MYO3B: variants seen among roughly 807,000 people sequenced by gnomAD.
MYO3B encodes the protein myosin IIIB.
In MYO3B, 156 loss-of-function variants were observed where a neutral mutation model predicts 174.6. The ratio of observed to expected loss-of-function variants is 0.89; its 90% CI spans 0.78 to 1.02. The LOEUF (loss-of-function observed/expected upper bound fraction) is 1.02, where lower values mean the gene tolerates loss of function less well. Among genes scored for constraint, MYO3B ranks in the 50% least tolerant of loss-of-function variants. The pLI, the probability that MYO3B is intolerant of heterozygous loss-of-function variation, is 0.00. For missense variants in MYO3B, 1,632 were observed against 1,639.4 expected, an observed-to-expected ratio of 1.00 and a Z score of 0.08; for synonymous variants, 563 against 569.1, an observed-to-expected ratio of 0.99 and a Z score of 0.15.
intron 32 of MYO3B, among the ~76,000 whole-genome samples, chr2:170,614,210 G>A (rs1428363467): frequency 6.6e-6 from 1 of 152,118 alleles, no homozygotes; most frequent in Non-Finnish European, 1.5e-5. Flanking sequence ...ATAAACCTAA[G>A]TGATTTATTT....
At chr2:170,590,338 T>C (rs1373777203) in intron 32 of MYO3B, among the ~76,000 whole-genome samples, 1 of 152,184 alleles carries the variant, frequency 6.6e-6, no homozygotes, top group Admixed American at 6.5e-5. Context: ...TTTCTCCTTA[T>C]AGTACAAGAG....
chr2:170,401,817 T>TTTTG, intron 18 of MYO3B, 126 bp downstream of exon 18: 2 of 920,862 alleles, frequency 2.2e-6, no homozygotes, highest in East Asian at 2.7e-5. Flanking sequence ...TTTTTTTTTT[T>TTTTG]GTGGAGTCAG....
chr2:170,332,705 GT>G (rs939061426), intron 7 of MYO3B, among the ~76,000 whole-genome samples: 3 of 152,176 alleles, frequency 2.0e-5, no homozygotes, highest in Non-Finnish European at 4.4e-5. Context: ...ATGTTTCCTT[GT>G]GTGGTGTTTA....
At chr2:170,540,859 C>G (rs1015299439) in intron 30 of MYO3B, among the ~76,000 whole-genome samples, 10 of 152,074 alleles carry the variant, frequency 6.6e-5, no homozygotes, top group African/African-American at 2.4e-4. Context: ...GTTTCCAATT[C>G]TTTTCCTTTC....
intron 30 of MYO3B, among the ~76,000 whole-genome samples, chr2:170,530,828 T>C (rs1291483502): frequency 6.6e-6 from 1 of 152,136 alleles, no homozygotes; most frequent in African/African-American, 2.4e-5. Context: ...GGTGGTGTGG[T>C]GAAGGTGGAA....
intron 7 of MYO3B, among the ~76,000 whole-genome samples, chr2:170,300,485 C>G (rs2093658932): frequency 6.6e-6 from 1 of 152,190 alleles, no homozygotes; most frequent in Non-Finnish European, 1.5e-5. Flanking sequence ...ACGTGTCCCT[C>G]TGGGGAGTAA....
At chr2:170,360,116 T>A (rs2094149989) in intron 8 of MYO3B, among the ~76,000 whole-genome samples, 1 of 152,196 alleles carries the variant, frequency 6.6e-6, no homozygotes, top group Non-Finnish European at 1.5e-5. Context: ...GAGCATGTAA[T>A]GATCATGCAC....
intron 30 of MYO3B, among the ~76,000 whole-genome samples, chr2:170,534,245 T>C (rs1689541633): frequency 6.6e-6 from 1 of 152,238 alleles, no homozygotes; most frequent in African/African-American, 2.4e-5. Flanking sequence ...TTAAGGTATG[T>C]ACATTTTTTA....
At chr2:170,613,308 G>A (rs1695232777) in intron 32 of MYO3B, among the ~76,000 whole-genome samples, 1 of 152,128 alleles carries the variant, frequency 6.6e-6, no homozygotes, top group Non-Finnish European at 1.5e-5. Context: ...GTTCACACTG[G>A]CACTGATGGG....
chr2:170,424,446 G>A (rs1438710890), intron 22 of MYO3B, among the ~76,000 whole-genome samples: 2 of 152,158 alleles, frequency 1.3e-5, no homozygotes, highest in Non-Finnish European at 1.5e-5. Flanking sequence ...GTGAAACCCC[G>A]TCTCTACCAA....
At chr2:170,330,541 C>T (rs2093904458) in intron 7 of MYO3B, among the ~76,000 whole-genome samples, 1 of 152,110 alleles carries the variant, frequency 6.6e-6, no homozygotes, top group African/African-American at 2.4e-5. Context: ...GTTTGGTTGA[C>T]CTACATGTGA....
chr2:170,184,682 C>T (rs1278769898), intron 1 of MYO3B, among the ~76,000 whole-genome samples: 2 of 152,052 alleles, frequency 1.3e-5, no homozygotes, highest in African/African-American at 2.4e-5. Flanking sequence ...ATACTGATAA[C>T]ATTTCCTTTG....
intron 25 of MYO3B, among the ~76,000 whole-genome samples, chr2:170,498,107 C>G (rs571268120): frequency 7.2e-5 from 11 of 152,168 alleles, no homozygotes; most frequent in Admixed American, 5.9e-4. Context: ...CTCCTCTATA[C>G]GCTGAGTAAG....
chr2:170,500,650 G>A (rs1687202014), intron 27 of MYO3B, among the ~76,000 whole-genome samples: 2 of 152,174 alleles, frequency 1.3e-5, no homozygotes, highest in African/African-American at 4.8e-5. Context: ...ATGAGTGACA[G>A]GATAGATAGT....
intron 14 of MYO3B, among the ~76,000 whole-genome samples, chr2:170,388,920 G>A (rs2105759248): frequency 6.6e-6 from 1 of 152,236 alleles, no homozygotes; most frequent in East Asian, 1.9e-4. Context: ...GCTTCCCTGT[G>A]GCTTTTTGAT....
At chr2:170,456,403 G>C (rs1439738430) in intron 23 of MYO3B, among the ~76,000 whole-genome samples, 1 of 152,180 alleles carries the variant, frequency 6.6e-6, no homozygotes, top group African/African-American at 2.4e-5. Context: ...GCAGATAAAT[G>C]AATTTCAGAG....
intron 25 of MYO3B, among the ~76,000 whole-genome samples, chr2:170,482,604 CT>C (rs2106016117): frequency 6.6e-6 from 1 of 152,332 alleles, no homozygotes; most frequent in Non-Finnish European, 1.5e-5. Flanking sequence ...TCAGGTATGT[CT>C]TTATCAGCAA....
chr2:170,333,487 A>G (rs545420830), intron 7 of MYO3B, among the ~76,000 whole-genome samples: 3 of 152,356 alleles, frequency 2.0e-5, no homozygotes, highest in African/African-American at 7.2e-5. Context: ...AAGGGTAACT[A>G]AATTCGTATG....
At chr2:170,621,308 A>G (rs748763844) in intron 32 of MYO3B, among the ~76,000 whole-genome samples, 19 of 152,150 alleles carry the variant, frequency 1.2e-4, no homozygotes, top group African/African-American at 1.9e-4. Context: ...GTTTTATTCA[A>G]TGAGTTAGTT....
Sources: gnomAD v4.1 joint callset for allele counts (sites outside exome capture counted in the v4.1 genomes callset) on GRCh38, gnomAD v4.1.1 for gene constraint, MANE v1.5 for transcripts, NCBI Gene and HGNC (gene_info 2026-07-23, HGNC 2026-07-21) for gene names.